Variants in CIZ1 observed in about 807,000 individuals in gnomAD.
CIZ1 encodes CDKN1A interacting zinc finger protein 1, also known as cip1-interacting zinc finger protein.
In CIZ1, 58 loss-of-function variants were observed where a neutral mutation model predicts 118.6. That is an observed-to-expected ratio of 0.49 (90% CI 0.40 to 0.61). The LOEUF (loss-of-function observed/expected upper bound fraction) is 0.61. Ranked by LOEUF, CIZ1 falls within the 20% of genes least tolerant of loss-of-function variation. The pLI is 0.00. For synonymous variants in CIZ1, 448 were observed against 443.4 expected (o/e 1.01, Z -0.13); for missense variants, 921 against 1,115.9 (o/e 0.83, Z 2.49).
At position 128,180,734 on chromosome 9, in the gene CIZ1, C is replaced by T. The variant is rs750772075; in HGVS notation, c.669G>A (p.Met223Ile). The T allele has an allele frequency of 3.1e-6, 5 of 1,607,460 alleles. No individual in the cohort carries two copies. In the South Asian group the frequency reaches 4.4e-5, roughly 14 times the overall value. ...EGSEEAAEPR[M>I]DTPEDQDLPP... ...TCCCTCCCTCACCTTCTGGTGTGTC[C>T]ATCCGGGGCTCTGCGGCTTCCTCAG... The change falls in exon 6 of 17, where the codon ATG (methionine) becomes ATA (isoleucine). Residue 223 changes from methionine (M) to isoleucine (I), a missense_variant. Coordinates refer to ENST00000372938, the MANE Select transcript of CIZ1 (RefSeq NM_001131016.2).
Position 128,203,304 on chromosome 9 carries a change from G to A in CIZ1, c.-6+882C>T. The A allele has an allele frequency of 2.3e-6, 1 of 435,226 alleles. No homozygotes were observed. Among genetic ancestry groups the A allele is most frequent in the Non-Finnish European group, 3.3e-6 (1 of 302,454 alleles). The allele number at this position is 435,226 out of a possible 1,614,324, so 27.0% of individuals were successfully genotyped here. A position where few individuals can be genotyped will look rare whatever the true frequency, so the allele number is the denominator to read the frequency against. On this transcript the variant is annotated intron_variant, in intron 1 of 17. Transcript: ENST00000372948. This position sits in a 1 kb window ranked among gnomAD's most constrained non-coding sequence, Gnocchi z 5.3. ...CGCACGGCGGCCGGCCCGCAGCGCCGCGGGCTCCCCCTAGCGGCGTCCGGG... is the reference window on the plus strand; with the variant it reads ...CGCACGGCGGCCGGCCCGCAGCGCCACGGGCTCCCCCTAGCGGCGTCCGGG...
intron 11 of CIZ1, among the ~76,000 whole-genome samples, 173 bp from the exon 12 acceptor site, chr9:128,170,280 C>T (rs1307643083): frequency 6.6e-6 from 1 of 152,168 alleles, no homozygotes; most frequent in Non-Finnish European, 1.5e-5. Context: ...AGAAATAACC[C>T]AGGAAACTTT....
chr9:128,189,824 CAAAAAAAAAAAAAAAAAAAA>C (rs56177059), intron 3 of CIZ1, among the ~76,000 whole-genome samples: 1 of 42,244 alleles, frequency 2.4e-5, no homozygotes, highest in Non-Finnish European at 4.0e-5. Flanking sequence ...AACTCTGTCT[CAAAAAAAAAAAAAAAAAAAA>C]AAAAAAAAAA....
At chr9:128,170,376 G>A (rs150203245) in intron 11 of CIZ1, among the ~76,000 whole-genome samples, 191 of 152,358 alleles carry the variant, frequency 1.3e-3, no homozygotes, top group African/African-American at 4.3e-3. Flanking sequence ...GTAGTGTGAT[G>A]TACATCCTGA....
At position 128,203,749 on chromosome 9, in the gene CIZ1, G is replaced by A; in HGVS notation, c.-6+437C>T. 1.0e-6 allele frequency: 1 copy of A among 982,786 alleles called. No individual in the cohort carries two copies. The allele number at this position is 982,786 out of a possible 1,614,324, so 60.9% of individuals were successfully genotyped here. On this transcript the variant is annotated intron_variant, in intron 1 of 17. Coordinates refer to the CIZ1 transcript ENST00000372948. This position sits in a 1 kb window ranked among gnomAD's most constrained non-coding sequence, Gnocchi z 5.3. ...CCCCGACGCTGCACCCGCGGCCGGC[G>A]CGCCCCCCACCCCCAGCCGGAGCGA...
At position 128,180,946 on chromosome 9, in the gene CIZ1, A is replaced by G; in HGVS notation, c.589-132T>C. 3 of 674,504 alleles carry G rather than the reference A, an allele frequency of 4.4e-6. No homozygotes were observed. In the South Asian group the frequency reaches 5.0e-5, roughly 11 times the overall value. 41.8% of individuals were successfully genotyped at this position (674,504 alleles called of 1,614,324 possible). A position where few individuals can be genotyped will look rare whatever the true frequency, so the allele number is the denominator to read the frequency against. Reference sequence around the variant, plus strand: ...GGACCTCTGGTGGGCCTGGCCCCAGAGTTGCCGAGTGGATGATCTTAGTAA... The same window carrying G: ...GGACCTCTGGTGGGCCTGGCCCCAGGGTTGCCGAGTGGATGATCTTAGTAA... On this transcript the variant is annotated intron_variant, in intron 5 of 16. Coordinates refer to ENST00000372938, the MANE Select transcript of CIZ1 (RefSeq NM_001131016.2).
chr9:128,183,329 C>T (rs1831923946), intron 5 of CIZ1, among the ~76,000 whole-genome samples: 2 of 152,182 alleles, frequency 1.3e-5, no homozygotes, highest in South Asian at 4.1e-4. Context: ...CAACCGCACC[C>T]CAATCTCTAA....
Position 128,203,646 on chromosome 9 carries a change from C to T in CIZ1, c.-6+540G>A. 6.6e-7 allele frequency: 1 copy of T among 1,506,378 alleles called. No homozygotes were observed. The highest frequency in any genetic ancestry group is 8.8e-7 in the Non-Finnish European group (1 of 1,134,952). 93.3% of individuals were successfully genotyped at this position (1,506,378 alleles called of 1,614,324 possible). ...TTCGTAGGCAGGTAGGCGCGGCGCG[C>T]CCCCAGGCGCCGACCCCCGACCCCC... On this transcript the variant is annotated intron_variant, in intron 1 of 17. Coordinates refer to the CIZ1 transcript ENST00000372948. This position sits in a 1 kb window ranked among gnomAD's most constrained non-coding sequence, Gnocchi z 5.3.
rs753604483 is a variant in CIZ1 at position 128,179,197 on chromosome 9, A to G, written c.1010T>C (p.Val337Ala). The change falls in exon 8 of 17, where the codon GTG becomes GCG. Residue 337 changes from valine to alanine, a missense_variant. By Grantham distance (64) the Val-to-Ala change is moderately conservative. Transcript: ENST00000372938. ...CGCCTGCTTCTGCAGCTTTGGCTGC[A>G]CCTGGGTGTCTGTGGATGGTATCCG... Reference protein sequence around the residue: ...QPRIPSTDTQVQPKLQKQAQT... With the variant: ...QPRIPSTDTQAQPKLQKQAQT... The G allele has an allele frequency of 1.9e-6, 3 of 1,613,992 alleles. No individual in the cohort carries two copies. Among genetic ancestry groups the G allele is most frequent in the Non-Finnish European group, 1.7e-6 (2 of 1,180,010 alleles).
In CIZ1 at chr9:128,203,779, G is replaced by A; in HGVS notation, c.-6+407C>T. On this transcript the variant is annotated intron_variant, in intron 1 of 17. Transcript: ENST00000372948. This position sits in a 1 kb window ranked among gnomAD's most constrained non-coding sequence, Gnocchi z 5.3. ...CCCCACCCCCAGCCGGAGCGAGGAG[G>A]CCCTCCCCCCACCACGAGAGCCCCT... 1.5e-6 allele frequency: 1 copy of A among 683,940 alleles called. No homozygotes were observed. Among genetic ancestry groups the A allele is most frequent in the Non-Finnish European group, 2.0e-6 (1 of 496,858 alleles). The allele number at this position is 683,940 out of a possible 1,614,324, so 42.4% of individuals were successfully genotyped here.
At chr9:128,180,853 AC>A (rs1442126837) in intron 5 of CIZ1, 39 bp from the exon 6 acceptor site, 52 of 1,444,346 alleles carry the variant, frequency 3.6e-5, no homozygotes, top group Non-Finnish European at 4.9e-5. Context: ...TCCAATACCC[AC>A]CCCTATCAAT....
At chr9:128,186,962 G>A (rs1462681681) in intron 4 of CIZ1, among the ~76,000 whole-genome samples, 1 of 146,326 alleles carries the variant, frequency 6.8e-6, no homozygotes, top group Non-Finnish European at 1.5e-5. Flanking sequence ...TTTTTTGAGA[G>A]GGAGTCTTGC....
chr9:128,170,188 C>T, intron 11 of CIZ1, 81 bp from the exon 12 acceptor site: 4 of 1,198,618 alleles, frequency 3.3e-6, no homozygotes, highest in Non-Finnish European at 4.9e-6. Context: ...AAGTGTAATC[C>T]ATTCCAATAG....
chr9:128,179,716 A>G (rs542687953), intron 7 of CIZ1, among the ~76,000 whole-genome samples: 1 of 152,138 alleles, frequency 6.6e-6, no homozygotes, highest in East Asian at 1.9e-4. Flanking sequence ...CTTGTTGCCC[A>G]GGCTGGAGTG....
rs769738421 is a variant in CIZ1, at chr9:128,167,164, C to A, written c.2296G>T (p.Val766Leu). The A allele has an allele frequency of 6.3e-6, 10 of 1,579,596 alleles. No homozygotes were observed. The South Asian group carries it at 1.1e-4, about 17-fold the overall frequency. Reference sequence around the variant, plus strand: ...TCTCTGGATATATCTCTGGACCTCACCTGAAAACATGCAAGTGTGGGCCTC... The same window carrying A: ...TCTCTGGATATATCTCTGGACCTCAACTGAAAACATGCAAGTGTGGGCCTC... Reference protein sequence around the residue: ...IEVEEELCKQVRSRDISREEW... With the variant: ...IEVEEELCKQLRSRDISREEW... The change falls in exon 15 of 17, where the codon GTG becomes TTG. Residue 766 changes from valine to leucine, a missense_variant and splice_region_variant. Transcript: ENST00000372938.
At position 128,185,679 on chromosome 9, in the gene CIZ1, G is replaced by A. The variant is rs1404239095; in HGVS notation, c.456C>T (p.Pro152=). Residue 152 remains proline, a synonymous_variant, in exon 5 of 17, where the codon CCC becomes CCT. Transcript: ENST00000372938. The stretch of plus-strand genomic sequence containing the variant: ...CCAGCAAGGACTGGCGAGTGGCCTG[G>A]GGAAAGAACTGTTGCAAATTTGGAG... ...LATPNLQQFF[P]QATRQSLLGP... is the part of the protein sequence containing the mutation. 3.1e-6 allele frequency: 5 copies of A among 1,606,342 alleles called. 1 individual carries two copies. The highest frequency in any genetic ancestry group is 2.6e-6 in the Non-Finnish European group (3 of 1,175,814).
At chr9:128,188,373 C>T (rs1235549348) in intron 3 of CIZ1, among the ~76,000 whole-genome samples, 1 of 152,188 alleles carries the variant, frequency 6.6e-6, no homozygotes, top group Non-Finnish European at 1.5e-5. Context: ...GACAAAAATG[C>T]TGACTGGTGG....
At chr9:128,202,583 G>A (rs1833563083) in intron 1 of CIZ1, among the ~76,000 whole-genome samples, 1 of 152,034 alleles carries the variant, frequency 6.6e-6, no homozygotes, top group Non-Finnish European at 1.5e-5. Context: ...CTTGCTGCTG[G>A]CTCCTTCTCA....
At chr9:128,180,358 T>G in intron 7 of CIZ1, 57 bp downstream of exon 7, 1 of 1,318,994 alleles carries the variant, frequency 7.6e-7, no homozygotes. Flanking sequence ...CCCCTGCCTT[T>G]GCAGGAATGA....
Sources: gnomAD v4.1 joint callset for allele counts (sites outside exome capture counted in the v4.1 genomes callset) on GRCh38, gnomAD v4.1.1 for gene constraint, Gnocchi (gnomAD v3.1) non-coding constraint, MANE v1.5 for transcripts, NCBI Gene and HGNC (gene_info 2026-07-23, HGNC 2026-07-21) for gene names.